CPNE5: variants seen among roughly 807,000 people sequenced by gnomAD.
CPNE5 encodes copine-5.
In CPNE5, 42 loss-of-function variants were observed where a neutral mutation model predicts 81.1. The ratio of observed to expected loss-of-function variants is 0.52; its 90% CI spans 0.40 to 0.67. The LOEUF (loss-of-function observed/expected upper bound fraction) is 0.67, where lower values mean the gene tolerates loss of function less well. Ranked by LOEUF, CPNE5 falls within the 30% of genes least tolerant of loss-of-function variation. The pLI is 0.00. For synonymous variants in CPNE5, 313 were observed against 321.5 expected (o/e 0.97, Z 0.28); for missense variants, 612 against 815.5 (o/e 0.75, Z 3.04).
chr6:36,827,692 G>C (rs1288758327), intron 1 of CPNE5: 6 of 985,258 alleles, frequency 6.1e-6, no homozygotes, highest in Non-Finnish European at 7.2e-6. Flanking sequence ...CAGGCCCAGG[G>C]GCAATGAGTC....
At chr6:36,817,218 G>A (rs1281210820) in intron 3 of CPNE5, among the ~76,000 whole-genome samples, 1 of 152,136 alleles carries the variant, frequency 6.6e-6, no homozygotes, top group Admixed American at 6.5e-5. Flanking sequence ...CCAGCTACTC[G>A]GGAGGCTGAG....
chr6:36,809,374 G>A (rs1480213232), intron 3 of CPNE5, among the ~76,000 whole-genome samples: 1 of 152,094 alleles, frequency 6.6e-6, no homozygotes, highest in African/African-American at 2.4e-5. Context: ...CTAGGAGTTC[G>A]AGACCAACCT....
At chr6:36,822,444 G>A (rs1772142413) in intron 2 of CPNE5, among the ~76,000 whole-genome samples, 1 of 152,170 alleles carries the variant, frequency 6.6e-6, no homozygotes, top group Admixed American at 6.5e-5. Flanking sequence ...AGGTGTGCCT[G>A]GAAGGGGCAA....
At chr6:36,822,291 G>C in intron 2 of CPNE5, 131 bp from the exon 3 acceptor site, 3 of 609,710 alleles carry the variant, frequency 4.9e-6, no homozygotes, top group Non-Finnish European at 5.4e-6. Flanking sequence ...GATCTGGGTA[G>C]GGGTAGAGGG....
intron 12 of CPNE5, among the ~76,000 whole-genome samples, chr6:36,756,737 C>G (rs1027958917): frequency 1.3e-5 from 2 of 152,198 alleles, no homozygotes; most frequent in African/African-American, 2.4e-5. Flanking sequence ...GGGACCCAGC[C>G]CAAGGGCTGC....
Position 36,742,540 on chromosome 6 carries a change from C to CA in CPNE5, c.1564-55dup. The CA allele has an allele frequency of 5.1e-6, 8 of 1,575,862 alleles. No homozygotes were observed. The South Asian group carries it at 9.0e-5, about 18-fold the overall frequency. On this transcript the variant is annotated intron_variant, in intron 20 of 20. Transcript: ENST00000244751. Reference sequence around the variant, plus strand: ...GTGCCTCCTGTGGGACCCTGGCCCCCAAAATCTCCAGGCCTGGGGTTGCAT... The same window carrying CA: ...GTGCCTCCTGTGGGACCCTGGCCCCCAAAAATCTCCAGGCCTGGGGTTGCAT...
Position 36,743,672 on chromosome 6 carries a change from C to T in CPNE5, c.1563+17G>A, listed in dbSNP as rs780831052. 6 of 1,611,834 alleles carry T rather than the reference C, an allele frequency of 3.7e-6. No individual in the cohort carries two copies. The highest frequency in any genetic ancestry group is 5.1e-6 in the Non-Finnish European group (6 of 1,178,582). ...GCTCTTGAATTTCCCATGGGGCAGG[C>T]AAGGCCTGGGCTTCACCTGGACGAT... On this transcript the variant is annotated intron_variant, in intron 20 of 20. Transcript: ENST00000244751.
At chr6:36,782,436 C>A (rs1353220416) in intron 8 of CPNE5, among the ~76,000 whole-genome samples, 1 of 152,188 alleles carries the variant, frequency 6.6e-6, no homozygotes, top group Non-Finnish European at 1.5e-5. Flanking sequence ...AAGAACTTGA[C>A]AGGCCATAAG....
At chr6:36,752,338 G>T (rs1486058787) in intron 14 of CPNE5, among the ~76,000 whole-genome samples, 2 of 152,166 alleles carry the variant, frequency 1.3e-5, no homozygotes, top group Admixed American at 6.5e-5. Flanking sequence ...TGAGCTGCTG[G>T]CTGGGGCCTC....
At chr6:36,801,143 G>A (rs1247838088) in intron 3 of CPNE5, among the ~76,000 whole-genome samples, 1 of 152,206 alleles carries the variant, frequency 6.6e-6, no homozygotes, top group Admixed American at 6.5e-5. Flanking sequence ...GGTTGCCCTT[G>A]CAGCTGATAT....
In CPNE5 at chr6:36,831,638, C is replaced by CAAAAA. The variant is rs35409136; in HGVS notation, c.95+7640_95+7644dup. On this transcript the variant is annotated intron_variant, in intron 1 of 20. Coordinates refer to ENST00000244751, the MANE Select transcript of CPNE5 (RefSeq NM_020939.2). ...TGGGTGACAGAGTGAGACACCATCTCAAAAAAAAAAAAAAAAAAAGGCCTC... is the reference window on the plus strand; with the variant it reads ...TGGGTGACAGAGTGAGACACCATCTCAAAAAAAAAAAAAAAAAAAAAAAAGGCCTC... 8.3e-3 allele frequency among the ~76,000 whole-genome samples: 697 copies of CAAAAA among 83,872 alleles called. 32 individuals are homozygous for CAAAAA. Among genetic ancestry groups the CAAAAA allele is most frequent in the East Asian group, 0.077 (205 of 2,648 alleles). 55.0% of individuals were successfully genotyped at this position (83,872 alleles called of 152,430 possible).
intron 3 of CPNE5, among the ~76,000 whole-genome samples, chr6:36,804,815 A>C (rs1437970460): frequency 6.6e-6 from 1 of 152,128 alleles, no homozygotes; most frequent in East Asian, 1.9e-4. Context: ...GAAACAGGAC[A>C]CGGAGGGGAA....
At chr6:36,796,072 C>T (rs889299496) in intron 6 of CPNE5, among the ~76,000 whole-genome samples, 1 of 152,164 alleles carries the variant, frequency 6.6e-6, no homozygotes, top group Non-Finnish European at 1.5e-5. Flanking sequence ...CCTCAGCCTC[C>T]CTAGTAGCTG....
chr6:36,814,589 C>A (rs2150569400), intron 3 of CPNE5, among the ~76,000 whole-genome samples: 1 of 152,170 alleles, frequency 6.6e-6, no homozygotes, highest in South Asian at 2.1e-4. Flanking sequence ...GATGTGTAAT[C>A]CTCAGAAGCA....
intron 3 of CPNE5, among the ~76,000 whole-genome samples, chr6:36,807,139 C>T (rs995317684): frequency 5.9e-5 from 9 of 152,228 alleles, no homozygotes; most frequent in African/African-American, 2.2e-4. Flanking sequence ...ATCAGTTTCT[C>T]AGAGGGAAGC....
chr6:36,818,316 G>A (rs753961122), intron 3 of CPNE5, among the ~76,000 whole-genome samples: 3 of 151,918 alleles, frequency 2.0e-5, no homozygotes, highest in Admixed American at 6.6e-5. Flanking sequence ...TTCCCTTCTC[G>A]TCGTTTCCCG....
At chr6:36,752,391 G>A (rs992384664) in intron 14 of CPNE5, among the ~76,000 whole-genome samples, 1 of 152,136 alleles carries the variant, frequency 6.6e-6, no homozygotes, top group Non-Finnish European at 1.5e-5. Context: ...GTGCCTGGTG[G>A]TTCTTTCTGC....
chr6:36,744,910 AGG>A, intron 18 of CPNE5, 136 bp downstream of exon 18: 1 of 658,702 alleles, frequency 1.5e-6, no homozygotes, highest in Non-Finnish European at 2.8e-6. Flanking sequence ...CCAGTGAGGC[AGG>A]GAAATGAGAA....
intron 10 of CPNE5, among the ~76,000 whole-genome samples, chr6:36,771,820 C>T (rs573298130): frequency 1.3e-5 from 2 of 151,640 alleles, no homozygotes; most frequent in South Asian, 4.2e-4. Flanking sequence ...GCGTGGGTTA[C>T]ACTGGGGCTG....
Sources: gnomAD v4.1 joint callset for allele counts (sites outside exome capture counted in the v4.1 genomes callset) on GRCh38, gnomAD v4.1.1 for gene constraint, MANE v1.5 for transcripts, NCBI Gene and HGNC (gene_info 2026-07-23, HGNC 2026-07-21) for gene names.